Variants in PID1 observed in about 807,000 individuals in gnomAD.
PID1 encodes the protein phosphotyrosine interaction domain containing 1.
Under a neutral mutation model 19.1 loss-of-function variants are expected in PID1, and 10 were observed. The observed-to-expected ratio is 0.52, with a 90% CI of 0.32 to 0.89. The LOEUF (loss-of-function observed/expected upper bound fraction) is 0.89. Ranked by LOEUF, PID1 falls within the 40% of genes least tolerant of loss-of-function variation. The pLI is 0.03. For synonymous variants in PID1, 130 were observed against 116.0 expected (o/e 1.12, Z -0.78); for missense variants, 248 against 285.3 (o/e 0.87, Z 0.94).
intron 2 of PID1, among the ~76,000 whole-genome samples, chr2:229,101,169 TC>T (rs1695065602): frequency 6.6e-6 from 1 of 152,120 alleles, no homozygotes. Context: ...ATATCCAGTG[TC>T]AGGACAGAGT....
intron 1 of PID1, among the ~76,000 whole-genome samples, chr2:229,260,240 G>T (rs1362243): frequency 0.6 from 91,142 of 151,600 alleles, 27,848 homozygotes; most frequent in African/African-American, 0.65. Flanking sequence ...GGTCAGGATA[G>T]ACACAAAAAT....
At chr2:229,177,948 C>A (rs1345548038) in intron 1 of PID1, among the ~76,000 whole-genome samples, 1 of 152,126 alleles carries the variant, frequency 6.6e-6, no homozygotes, top group African/African-American at 2.4e-5. Flanking sequence ...AATCAAAATG[C>A]CCCAAACTGG....
intron 2 of PID1, among the ~76,000 whole-genome samples, chr2:229,084,018 T>C (rs1208872003): frequency 6.6e-6 from 1 of 152,202 alleles, no homozygotes; most frequent in Non-Finnish European, 1.5e-5. Context: ...ATAGGAAACA[T>C]TTACTTCAGT....
In PID1 at chr2:229,025,674, G is replaced by A. The variant is rs377591441; in HGVS notation, c.612C>T (p.Ser204=). The A allele has an allele frequency of 2.0e-5, 33 of 1,613,288 alleles. No individual in the cohort carries two copies. Among genetic ancestry groups the A allele is most frequent in the Non-Finnish European group, 3.4e-6 (4 of 1,179,360 alleles). ...KSDGRIHSNS[S]SEEVSQELES... Reference sequence around the variant, plus strand: ...CCAATTCCTGGGAAACCTCTTCGGAGGAGCTGTTGCTGTGGATCCGCCCGT... The same window carrying A: ...CCAATTCCTGGGAAACCTCTTCGGAAGAGCTGTTGCTGTGGATCCGCCCGT... Residue 204 remains serine, a synonymous_variant, in exon 3 of 3, where the codon TCC becomes TCT. Coordinates refer to ENST00000392055, the MANE Select transcript of PID1 (RefSeq NM_001100818.2).
rs181861479 is a variant in PID1 at position 229,040,394 on chromosome 2, A to G, written c.178-14286T>C. On this transcript the variant is annotated intron_variant, in intron 2 of 2. Coordinates refer to ENST00000392055, the MANE Select transcript of PID1 (RefSeq NM_001100818.2). ...AAGCAAGTAGGGGAAGTGAAAGTGTATATTTTTATATATTTGTTTGTGAAA... is the reference window on the plus strand; with the variant it reads ...AAGCAAGTAGGGGAAGTGAAAGTGTGTATTTTTATATATTTGTTTGTGAAA... 7.9e-5 allele frequency among the ~76,000 whole-genome samples: 12 copies of G among 152,290 alleles called. No homozygotes were observed. In the East Asian group the frequency reaches 2.1e-3, roughly 27 times the overall value.
intron 2 of PID1, among the ~76,000 whole-genome samples, chr2:229,115,333 C>T (rs1331958081): frequency 6.8e-6 from 1 of 146,124 alleles, no homozygotes; most frequent in Admixed American, 7.0e-5. Flanking sequence ...CAGCCAGACC[C>T]TGTCACTACA....
chr2:229,190,259 A>G lies in PID1; in HGVS notation c.31-34295T>C, dbSNP rs140744301. 9.7e-3 allele frequency among the ~76,000 whole-genome samples: 1,480 copies of G among 152,354 alleles called. 8 individuals carry two copies. The highest frequency in any genetic ancestry group is 0.017 in the Middle Eastern group (5 of 294). On this transcript the variant is annotated intron_variant, in intron 1 of 2. Coordinates refer to ENST00000392055, the MANE Select transcript of PID1 (RefSeq NM_001100818.2). ...AGAGTAAATATTTCAGTTACCATAC[A>G]GCTATACAAAAATTGTGGAGATGGC...
intron 2 of PID1, among the ~76,000 whole-genome samples, chr2:229,117,709 T>C (rs1291269577): frequency 2.0e-5 from 3 of 152,072 alleles, no homozygotes; most frequent in Non-Finnish European, 4.4e-5. Flanking sequence ...AAATCTCTGT[T>C]TCTCAAACAT....
intron 1 of PID1, among the ~76,000 whole-genome samples, chr2:229,228,347 C>T (rs1266241332): frequency 2.6e-5 from 4 of 152,176 alleles, no homozygotes; most frequent in African/African-American, 9.6e-5. Context: ...ATAATCATTA[C>T]ATCTAGAACA....
At chr2:229,216,218 C>A (rs1691842939) in intron 1 of PID1, among the ~76,000 whole-genome samples, 1 of 152,192 alleles carries the variant, frequency 6.6e-6, no homozygotes, top group Admixed American at 6.5e-5. Flanking sequence ...TAGCTAACAG[C>A]AACTATGATG....
At chr2:229,195,462 C>T (rs1011025941) in intron 1 of PID1, among the ~76,000 whole-genome samples, 1 of 151,742 alleles carries the variant, frequency 6.6e-6, no homozygotes, top group African/African-American at 2.4e-5. Flanking sequence ...CATATACATA[C>T]ATATATTCAT....
intron 1 of PID1, among the ~76,000 whole-genome samples, chr2:229,232,500 C>T (rs1033271190): frequency 1.4e-5 from 2 of 140,202 alleles, no homozygotes; most frequent in African/African-American, 5.2e-5. Context: ...GTTTCAACAT[C>T]TGAATTTTGG....
At position 229,122,112 on chromosome 2, in the gene PID1, C is replaced by G. The variant is rs559113330; in HGVS notation, c.177+33706G>C. On this transcript the variant is annotated intron_variant, in intron 2 of 2. Transcript: ENST00000392055. ...AACATCTTAAGAGAATTAGTAATAG[C>G]TTTTCTTATAGTTTACAGAAAATCC... Among the ~76,000 whole-genome samples the G allele has an allele frequency of 2.0e-5, 3 of 152,228 alleles. No homozygotes were observed. In the South Asian group the frequency reaches 6.2e-4, roughly 32 times the overall value.
intron 1 of PID1, among the ~76,000 whole-genome samples, chr2:229,192,373 T>C (rs1373155422): frequency 6.6e-6 from 1 of 152,206 alleles, no homozygotes; most frequent in Non-Finnish European, 1.5e-5. Flanking sequence ...ACATTTCTGG[T>C]TGCTTCTACT....
At chr2:229,081,454 C>G (rs982071718) in intron 2 of PID1, among the ~76,000 whole-genome samples, 5 of 152,130 alleles carry the variant, frequency 3.3e-5, no homozygotes, top group Non-Finnish European at 5.9e-5. Flanking sequence ...ATAGCAGAAA[C>G]TTTAATGAAA....
chr2:229,129,647 T>A (rs1189900909), intron 2 of PID1, among the ~76,000 whole-genome samples: 1 of 151,916 alleles, frequency 6.6e-6, no homozygotes, highest in East Asian at 1.9e-4. Flanking sequence ...CTCAGAAGAG[T>A]AGTTATGCAC....
intron 2 of PID1, among the ~76,000 whole-genome samples, chr2:229,110,990 C>CT (rs1695286429): frequency 2.6e-5 from 4 of 152,096 alleles, no homozygotes; most frequent in Admixed American, 2.6e-4. Flanking sequence ...GGGACGGTTT[C>CT]CCCATACTGT....
intron 1 of PID1, among the ~76,000 whole-genome samples, chr2:229,262,335 G>T (rs1282230846): frequency 6.6e-6 from 1 of 152,168 alleles, no homozygotes; most frequent in Non-Finnish European, 1.5e-5. Context: ...GACCTTCCCT[G>T]AGCAACACAG....
At chr2:229,067,591 C>T (rs1390792635) in intron 2 of PID1, among the ~76,000 whole-genome samples, 3 of 152,152 alleles carry the variant, frequency 2.0e-5, no homozygotes, top group Non-Finnish European at 4.4e-5. Context: ...TCTAACTGGT[C>T]ACTGATCTCC....
Sources: allele counts gnomAD v4.1 joint callset (sites outside exome capture counted in the v4.1 genomes callset), GRCh38; gene constraint gnomAD v4.1.1; transcripts MANE v1.5; gene names NCBI Gene and HGNC (gene_info 2026-07-23, HGNC 2026-07-21).